The following DPP10 variants were observed in gnomAD, a reference collection of about 807,000 sequenced individuals.
The protein encoded by DPP10 is dipeptidyl peptidase like 10.
Under a neutral mutation model 120.9 loss-of-function variants are expected in DPP10, and 33 were observed. The ratio of observed to expected loss-of-function variants is 0.27; its 90% CI spans 0.21 to 0.37. DPP10 has a LOEUF of 0.37. DPP10 is among the 10% of genes least tolerant of loss of function. The pLI, the probability that DPP10 is intolerant of heterozygous loss-of-function variation, is 1.00. For synonymous variants in DPP10, 337 were observed against 326.1 expected, an observed-to-expected ratio of 1.03 and a Z score of -0.36; for missense variants, 816 against 942.8, an observed-to-expected ratio of 0.87 and a Z score of 1.76.
intron 1 of DPP10, among the ~76,000 whole-genome samples, chr2:114,495,381 A>G (rs756170370): frequency 6.6e-6 from 1 of 152,202 alleles, no homozygotes; most frequent in Admixed American, 6.5e-5. Flanking sequence ...AAAGTTTTTT[A>G]TACTATAAGT....
chr2:114,869,461 T>C (rs769780476), intron 1 of DPP10, among the ~76,000 whole-genome samples: 3 of 152,126 alleles, frequency 2.0e-5, no homozygotes, highest in East Asian at 1.9e-4. Flanking sequence ...AAGGATTCAT[T>C]GTGAAACAGT....
intron 1 of DPP10, among the ~76,000 whole-genome samples, chr2:114,701,371 G>A (rs17043361): frequency 0.039 from 5,977 of 152,134 alleles, 155 homozygotes; most frequent in Middle Eastern, 0.078. Context: ...CACACTATCT[G>A]TTCATTAGAT....
chr2:115,737,248 A>G (rs772196346), intron 8 of DPP10, among the ~76,000 whole-genome samples: 3 of 152,164 alleles, frequency 2.0e-5, no homozygotes, highest in African/African-American at 7.2e-5. Context: ...AGGCAATACA[A>G]TGGGCAATCA....
rs371412923 is a variant in DPP10, at chr2:115,762,634, A to T, written c.1113+24A>T. ...AGGTACAGTATAGGTGGTCTGTCAC[A>T]TCTTGGCCATTGTGACCATCCTGTT... On this transcript the variant is annotated intron_variant, in intron 12 of 25. Coordinates refer to ENST00000410059, the MANE Select transcript of DPP10 (RefSeq NM_020868.6). 5.6e-6 allele frequency: 9 copies of T among 1,612,212 alleles called. No individual in the cohort carries two copies. The African/African-American group carries it at 1.1e-4, about 19-fold the overall frequency.
At chr2:115,035,145 T>C (rs1704137822) in intron 1 of DPP10, among the ~76,000 whole-genome samples, 1 of 152,242 alleles carries the variant, frequency 6.6e-6, no homozygotes, top group African/African-American at 2.4e-5. Context: ...ACTCTTTTTA[T>C]ACCTATGCTC....
rs529431968 is a variant in DPP10, at chr2:114,732,625, T to C, written c.60+289787T>C. ...TGAGCAGAAAAGTGACTACACGTAA[T>C]TTGCATTTTAGAAAACTCATTCTTA... On this transcript the variant is annotated intron_variant, in intron 1 of 25. Transcript: ENST00000410059. Among the ~76,000 whole-genome samples, 5 of 152,320 alleles carry C rather than the reference T, an allele frequency of 3.3e-5. No individual in the cohort carries two copies. The East Asian group carries it at 9.6e-4, about 29-fold the overall frequency.
chr2:115,357,465 G>C (rs2064469369), intron 3 of DPP10, among the ~76,000 whole-genome samples: 1 of 152,232 alleles, frequency 6.6e-6, no homozygotes, highest in African/African-American at 2.4e-5. Context: ...TGATGCAAGA[G>C]GTGGGCTTCC....
intron 3 of DPP10, among the ~76,000 whole-genome samples, chr2:115,438,656 A>G (rs929306578): frequency 1.3e-5 from 2 of 152,256 alleles, no homozygotes; most frequent in Non-Finnish European, 2.9e-5. Flanking sequence ...ATGGACAAAC[A>G]GTATGATTCC....
chr2:114,668,533 C>A (rs2105611289), intron 1 of DPP10, among the ~76,000 whole-genome samples: 1 of 152,276 alleles, frequency 6.6e-6, no homozygotes, highest in Non-Finnish European at 1.5e-5. Flanking sequence ...TACCAGCTAT[C>A]TGAGCAGCCT....
chr2:114,664,686 T>C (rs1369306986), intron 1 of DPP10, among the ~76,000 whole-genome samples: 1 of 143,106 alleles, frequency 7.0e-6, no homozygotes, highest in Non-Finnish European at 1.5e-5. Context: ...TTGCCACGAG[T>C]AGCCACAGGC....
At chr2:115,593,253 T>C (rs1380951685) in intron 5 of DPP10, among the ~76,000 whole-genome samples, 1 of 152,128 alleles carries the variant, frequency 6.6e-6, no homozygotes, top group Non-Finnish European at 1.5e-5. Flanking sequence ...AATAAAGCAT[T>C]TCTATGGAAA....
chr2:115,715,339 C>CAAAAAAAAAAA (rs546857779), intron 7 of DPP10, among the ~76,000 whole-genome samples: 15 of 67,610 alleles, frequency 2.2e-4, no homozygotes, highest in East Asian at 6.0e-4. Flanking sequence ...AACTCCGTCT[C>CAAAAAAAAAAA]AAAAAAAAAA....
intron 1 of DPP10, among the ~76,000 whole-genome samples, chr2:114,976,707 A>G (rs1376014125): frequency 6.6e-6 from 1 of 152,218 alleles, no homozygotes; most frequent in Non-Finnish European, 1.5e-5. Flanking sequence ...TTGAAGTTCA[A>G]TAAAAGATGA....
intron 3 of DPP10, among the ~76,000 whole-genome samples, chr2:115,424,246 A>G (rs1052590010): frequency 6.6e-6 from 1 of 152,164 alleles, no homozygotes; most frequent in Non-Finnish European, 1.5e-5. Flanking sequence ...GCATTATTAT[A>G]TGTAAAATAT....
intron 7 of DPP10, among the ~76,000 whole-genome samples, chr2:115,704,799 A>G (rs1575567358): frequency 6.6e-6 from 1 of 152,006 alleles, no homozygotes; most frequent in African/African-American, 2.4e-5. Flanking sequence ...ACAAGCTTTT[A>G]TGCTGAGATC....
At chr2:114,917,792 A>G (rs1427070359) in intron 1 of DPP10, among the ~76,000 whole-genome samples, 1 of 152,168 alleles carries the variant, frequency 6.6e-6, no homozygotes, top group African/African-American at 2.4e-5. Context: ...CTTTCCCCAC[A>G]TACAAAAATC....
chr2:114,807,774 A>G (rs1457708924), intron 1 of DPP10, among the ~76,000 whole-genome samples: 1 of 152,192 alleles, frequency 6.6e-6, no homozygotes, highest in Non-Finnish European at 1.5e-5. Flanking sequence ...TATTATGTTC[A>G]TAGATTCTGT....
intron 3 of DPP10, among the ~76,000 whole-genome samples, chr2:115,443,534 C>T (rs904542374): frequency 5.3e-5 from 8 of 152,128 alleles, no homozygotes; most frequent in African/African-American, 1.9e-4. Flanking sequence ...ACAGACATTA[C>T]ATTTATGATT....
intron 1 of DPP10, among the ~76,000 whole-genome samples, chr2:114,701,586 A>T (rs1185294306): frequency 6.6e-6 from 1 of 152,180 alleles, no homozygotes; most frequent in East Asian, 1.9e-4. Context: ...AAAGAAGATA[A>T]CTACATTTGC....
Sources: gnomAD v4.1 joint callset for allele counts (sites outside exome capture counted in the v4.1 genomes callset) on GRCh38, gnomAD v4.1.1 for gene constraint, MANE v1.5 for transcripts, NCBI Gene and HGNC (gene_info 2026-07-23, HGNC 2026-07-21) for gene names.